The following CST8 variants were observed in gnomAD, a reference collection of about 807,000 sequenced individuals.
CST8 encodes cystatin-8.
Under a neutral mutation model 11.8 loss-of-function variants are expected in CST8, and 20 were observed. That is an observed-to-expected ratio of 1.70 (90% CI 1.20 to 2.47). The LOEUF is 2.47. Ranked by LOEUF, CST8 falls within the 30% of genes most tolerant of loss-of-function variation. The pLI, the probability that CST8 is intolerant of heterozygous loss-of-function variation, is 0.00. For missense variants in CST8, 196 were observed against 167.2 expected, an observed-to-expected ratio of 1.17 and a Z score of -0.95; for synonymous variants, 77 against 63.1, an observed-to-expected ratio of 1.22 and a Z score of -1.05.
In CST8 at chr20:23,493,006, G is replaced by T. The variant is rs147883534; in HGVS notation, c.280G>T (p.Asp94Tyr). ...TATTGATGTAGAAATTGCCCGCAGCGATTGCAGAAAGCCTTTAAGCACTAA... is the reference window on the plus strand; with the variant it reads ...TATTGATGTAGAAATTGCCCGCAGCTATTGCAGAAAGCCTTTAAGCACTAA... ...YLIDVEIARS[D>Y]CRKPLSTNEI... The change falls in exon 3 of 4, where the codon GAT becomes TAT. Residue 94 changes from aspartate (D) to tyrosine (Y), a missense_variant. Physicochemically the swap from Asp to Tyr is radical, Grantham distance 160. Coordinates refer to ENST00000246012, the MANE Select transcript of CST8 (RefSeq NM_005492.4). The T allele has an allele frequency of 2.0e-5, 32 of 1,613,418 alleles. No homozygotes were observed. In the East Asian group the frequency reaches 6.7e-4, roughly 34 times the overall value.
At chr20:23,496,506 G>T (rs1197952998), downstream of CST8, among the ~76,000 whole-genome samples, 1 of 152,164 alleles carries the variant, frequency 6.6e-6, no homozygotes, top group Non-Finnish European at 1.5e-5. Context: ...GCAAATGGAG[G>T]CAGGGCAAGA....
chr20:23,494,110 C>A (rs1987970105), intron 3 of CST8, among the ~76,000 whole-genome samples: 1 of 152,302 alleles, frequency 6.6e-6, no homozygotes, highest in East Asian at 1.9e-4. Flanking sequence ...TCATTTCCAG[C>A]TCACAATAAA....
chr20:23,497,438 C>T (rs141447208), downstream of CST8, among the ~76,000 whole-genome samples: 46 of 152,304 alleles, frequency 3.0e-4, 1 homozygote, highest in African/African-American at 1.1e-3. Context: ...GTCTAAGAGT[C>T]CTGAATGGAC....
At chr20:23,505,371 C>G in the CST8 span, among the ~76,000 whole-genome samples, 141 of 152,166 alleles carry the variant, frequency 9.3e-4, 1 homozygote, top group African/African-American at 3.2e-3. Context: ...GTCTGGATCT[C>G]CTGACCTCAT....
chr20:23,502,415 C>A, the CST8 span, among the ~76,000 whole-genome samples: 2 of 152,164 alleles, frequency 1.3e-5, no homozygotes, highest in East Asian at 1.9e-4. Flanking sequence ...TCACAATGCC[C>A]CTGACTCTGC....
intron 3 of CST8, among the ~76,000 whole-genome samples, chr20:23,493,444 C>T (rs1288061129): frequency 1.3e-5 from 2 of 152,212 alleles, no homozygotes; most frequent in African/African-American, 4.8e-5. Context: ...CATACAGACA[C>T]AAAAGGAACT....
chr20:23,496,300 A>C (rs970846075), downstream of CST8, among the ~76,000 whole-genome samples: 2 of 152,060 alleles, frequency 1.3e-5, no homozygotes, highest in African/African-American at 2.4e-5. Context: ...TGAGAAATAA[A>C]GGGACAGAGT....
chr20:23,504,398 T>C, the CST8 span, among the ~76,000 whole-genome samples: 1 of 152,120 alleles, frequency 6.6e-6, no homozygotes, highest in Non-Finnish European at 1.5e-5. Context: ...AGCCTGCTTG[T>C]AGCAAAAGCT....
At chr20:23,495,794 G>C in intron 3 of CST8, 37 bp from the exon 4 acceptor site, 1 of 1,112,370 alleles carries the variant, frequency 9.0e-7, no homozygotes, top group Non-Finnish European at 1.3e-6. Context: ...TTTTTTTTTG[G>C]CACTCTACTA....
downstream of CST8, among the ~76,000 whole-genome samples, chr20:23,499,032 T>C (rs74759957): frequency 6.6e-6 from 1 of 152,278 alleles, no homozygotes; most frequent in East Asian, 1.9e-4. Context: ...TGGAACATCT[T>C]GAATTGTCTT....
the CST8 span, among the ~76,000 whole-genome samples, chr20:23,502,420 C>T: frequency 6.6e-6 from 1 of 152,244 alleles, no homozygotes; most frequent in Admixed American, 6.5e-5. Flanking sequence ...ATGCCCCTGA[C>T]TCTGCAACAA....
rs761174233 is a variant in CST8 at position 23,493,004 on chromosome 20, GC to G, written c.279del (p.Ser93ArgfsTer7). The G allele has an allele frequency of 2.0e-5, 32 of 1,613,428 alleles. No individual in the cohort carries two copies. The East Asian group carries it at 6.7e-4, about 34-fold the overall frequency. Reference protein sequence around the residue: ...EYLIDVEIARSDCRKPLSTNE... With the variant: ...EYLIDVEIARXDCRKPLSTNE... ...CTTATTGATGTAGAAATTGCCCGCA[GC>G]GATTGCAGAAAGCCTTTAAGCACTA... is the stretch of plus-strand genomic sequence containing the variant. On this transcript the variant is annotated frameshift_variant, in exon 3 of 4. Transcript: ENST00000246012. LOFTEE classifies it high-confidence loss of function.
chr20:23,491,982 A>C, intron 2 of CST8, 84 bp downstream of exon 2: 1 of 1,069,446 alleles, frequency 9.4e-7, no homozygotes, highest in Non-Finnish European at 1.4e-6. Context: ...ATATAAGAAA[A>C]ATATCACTAT....
At chr20:23,496,036 G>GT, downstream of CST8, 1 of 756,906 alleles carries the variant, frequency 1.3e-6, no homozygotes, top group Non-Finnish European at 2.2e-6. Flanking sequence ...TTGGTGTTTT[G>GT]TTTTTTAGTT....
At chr20:23,495,599 T>A (rs936775306) in intron 3 of CST8, among the ~76,000 whole-genome samples, 1 of 152,200 alleles carries the variant, frequency 6.6e-6, no homozygotes, top group African/African-American at 2.4e-5. Flanking sequence ...ATTATTAACA[T>A]TTCTTGTCTT....
chr20:23,501,542 T>C, the CST8 span, among the ~76,000 whole-genome samples: 1 of 152,212 alleles, frequency 6.6e-6, no homozygotes, highest in Non-Finnish European at 1.5e-5. Context: ...GTGTGAGTGA[T>C]ACACAGAAAA....
intron 3 of CST8, among the ~76,000 whole-genome samples, chr20:23,493,295 G>T (rs528099568): frequency 6.6e-6 from 1 of 152,270 alleles, no homozygotes; most frequent in Non-Finnish European, 1.5e-5. Flanking sequence ...ATGTTGTCAA[G>T]ACCACTCTTA....
intron 2 of CST8, among the ~76,000 whole-genome samples, chr20:23,492,711 G>A (rs1328597637): frequency 6.6e-6 from 1 of 152,114 alleles, no homozygotes; most frequent in Admixed American, 6.5e-5. Context: ...TGCTTTCAAG[G>A]AGGTGACAAA....
At position 23,495,872 on chromosome 20, in the gene CST8, T is replaced by C; in HGVS notation, c.387T>C (p.Asn129=). The C allele has an allele frequency of 1.2e-6, 2 of 1,612,162 alleles. No individual in the cohort carries two copies. Among genetic ancestry groups the C allele is most frequent in the Admixed American group, 3.3e-5 (2 of 59,840 alleles). Reference sequence around the variant, plus strand: ...TTTTGGTAGGAGCACTTCCCTGGAATGGTGAATTCACTGTGATGGAGAAAA... The same window carrying C: ...TTTTGGTAGGAGCACTTCCCTGGAACGGTGAATTCACTGTGATGGAGAAAA... ...CSFLVGALPW[N]GEFTVMEKKC... Residue 129 remains asparagine (N), a synonymous_variant, in exon 4 of 4, where the codon AAT becomes AAC. Coordinates refer to ENST00000246012, the MANE Select transcript of CST8 (RefSeq NM_005492.4).
Sources: gnomAD v4.1 joint callset for allele counts (sites outside exome capture counted in the v4.1 genomes callset) on GRCh38, gnomAD v4.1.1 for gene constraint, MANE v1.5 for transcripts, NCBI Gene and HGNC (gene_info 2026-07-23, HGNC 2026-07-21) for gene names.